Variants in IL1RAPL2 observed in about 807,000 individuals in gnomAD.
The protein encoded by IL1RAPL2 is X-linked interleukin-1 receptor accessory protein-like 2.
A neutral mutation model predicts 44.1 loss-of-function variants in IL1RAPL2; 3 were observed. That is an observed-to-expected ratio of 0.07 (90% CI 0.03 to 0.18). The LOEUF is 0.18. Ranked by LOEUF, IL1RAPL2 falls within the 10% of genes least tolerant of loss-of-function variation. The pLI is 1.00. For synonymous variants in IL1RAPL2, 181 were observed against 178.8 expected, an observed-to-expected ratio of 1.01 and a Z score of -0.10; for missense variants, 391 against 496.4, an observed-to-expected ratio of 0.79 and a Z score of 2.02.
At chrX:105,448,562 A>G (rs1346573455) in intron 5 of IL1RAPL2, among the ~76,000 whole-genome samples, 2 of 110,105 alleles carry the variant, frequency 1.8e-5, no homozygotes, top group Admixed American at 1.9e-4. Context: ...ACGGGGTTTC[A>G]CCATGTTGGC....
chrX:105,766,486 G>A (rs2038730392), intron 10 of IL1RAPL2, among the ~76,000 whole-genome samples: 1 of 110,567 alleles, frequency 9.0e-6, no homozygotes, highest in Non-Finnish European at 1.9e-5. Flanking sequence ...GAAAACTAGG[G>A]GCCATACATA....
At chrX:104,891,050 T>C (rs1923420918) in intron 2 of IL1RAPL2, among the ~76,000 whole-genome samples, 1 of 112,143 alleles carries the variant, frequency 8.9e-6, no homozygotes, top group South Asian at 3.7e-4. Flanking sequence ...GTTTGTTAAA[T>C]AGGGAATCCT....
At chrX:105,530,114 T>C (rs896373505) in intron 6 of IL1RAPL2, among the ~76,000 whole-genome samples, 2 of 112,332 alleles carry the variant, frequency 1.8e-5, no homozygotes, top group Non-Finnish European at 1.9e-5. Flanking sequence ...ATGGTACATA[T>C]ATATTTATTT....
chrX:104,790,951 C>T lies in IL1RAPL2; in HGVS notation c.82+131956C>T, dbSNP rs768903095. Among the ~76,000 whole-genome samples the T allele has an allele frequency of 4.2e-4, 47 of 111,860 alleles. 1 individual carries two copies. Among genetic ancestry groups the T allele is most frequent in the Non-Finnish European group, 6.6e-4 (35 of 53,200 alleles). On this transcript the variant is annotated intron_variant, in intron 2 of 10. Coordinates refer to ENST00000372582, the MANE Select transcript of IL1RAPL2 (RefSeq NM_017416.2). ...GTCACAATTTATTGCATAATGACCA[C>T]GTGCCAGTCACTGCTCTAAGTACTT... is the stretch of plus-strand genomic sequence containing the variant.
At chrX:104,686,021 C>G (rs904942982) in intron 2 of IL1RAPL2, among the ~76,000 whole-genome samples, 2 of 110,732 alleles carry the variant, frequency 1.8e-5, no homozygotes, top group African/African-American at 6.6e-5. Flanking sequence ...ACATAATGCT[C>G]AATAGATGGC....
At chrX:105,541,175 G>T (rs1014884519) in intron 6 of IL1RAPL2, among the ~76,000 whole-genome samples, 2 of 109,090 alleles carry the variant, frequency 1.8e-5, no homozygotes, top group Non-Finnish European at 3.8e-5. Flanking sequence ...TTACTCTGCT[G>T]CTTAAAAGTC....
intron 5 of IL1RAPL2, among the ~76,000 whole-genome samples, chrX:105,293,662 CT>C (rs1483152372): frequency 1.8e-5 from 2 of 111,730 alleles, no homozygotes; most frequent in Admixed American, 9.5e-5. Context: ...TTATGTTTTA[CT>C]TTTTTGTAAA....
chrX:104,628,150 G>A (rs1341336622), intron 1 of IL1RAPL2, among the ~76,000 whole-genome samples: 1 of 110,887 alleles, frequency 9.0e-6, no homozygotes, highest in Non-Finnish European at 1.9e-5. Flanking sequence ...GGATATTTAG[G>A]GTATCCATCC....
chrX:105,094,708 T>C (rs2032584761), intron 2 of IL1RAPL2, among the ~76,000 whole-genome samples: 1 of 110,466 alleles, frequency 9.1e-6, no homozygotes, highest in South Asian at 3.7e-4. Flanking sequence ...ACTTGTTCAT[T>C]TCTGCAAAAA....
intron 2 of IL1RAPL2, among the ~76,000 whole-genome samples, chrX:104,798,028 G>C (rs764923463): frequency 4.6e-4 from 52 of 111,856 alleles, no homozygotes; most frequent in Middle Eastern, 4.6e-3. Context: ...TAGAGATTAT[G>C]TAAATCACCC....
chrX:104,971,649 C>G (rs1362061534), intron 2 of IL1RAPL2, among the ~76,000 whole-genome samples: 1 of 111,336 alleles, frequency 9.0e-6, no homozygotes, highest in Non-Finnish European at 1.9e-5. Flanking sequence ...GACTCTTGAA[C>G]TCTCTTTAGT....
intron 2 of IL1RAPL2, among the ~76,000 whole-genome samples, chrX:105,183,088 G>T (rs1370654285): frequency 1.8e-5 from 2 of 111,178 alleles, no homozygotes; most frequent in African/African-American, 3.3e-5. Context: ...TTTCAGACTG[G>T]GTGGGCCTAT....
intron 5 of IL1RAPL2, among the ~76,000 whole-genome samples, chrX:105,291,714 A>G (rs999317714): frequency 1.8e-4 from 20 of 111,236 alleles, no homozygotes; most frequent in Non-Finnish European, 3.0e-4. Flanking sequence ...TTCCATAAAT[A>G]TTCTGTTGGA....
chrX:105,147,639 C>A (rs1410476454), intron 2 of IL1RAPL2, among the ~76,000 whole-genome samples: 3 of 111,553 alleles, frequency 2.7e-5, no homozygotes, highest in Non-Finnish European at 5.6e-5. Flanking sequence ...CAAGTTTCAT[C>A]CATGTTGTAG....
chrX:104,586,036 G>A (rs1167167204), intron 1 of IL1RAPL2, among the ~76,000 whole-genome samples: 1 of 111,731 alleles, frequency 9.0e-6, no homozygotes, highest in Non-Finnish European at 1.9e-5. Context: ...TTCCACAATG[G>A]TTGAACACAT....
intron 4 of IL1RAPL2, among the ~76,000 whole-genome samples, chrX:105,259,136 C>G (rs2034337495): frequency 8.9e-6 from 1 of 111,746 alleles, no homozygotes; most frequent in Admixed American, 9.5e-5. Context: ...AGGCTTTGTG[C>G]ATGGTCTTTA....
At chrX:104,775,592 T>C (rs1932706049) in intron 2 of IL1RAPL2, among the ~76,000 whole-genome samples, 1 of 111,400 alleles carries the variant, frequency 9.0e-6, no homozygotes, top group South Asian at 3.7e-4. Flanking sequence ...AACTCTCTGG[T>C]GAGATGAATA....
chrX:105,571,636 G>A (rs1210919954), intron 6 of IL1RAPL2, among the ~76,000 whole-genome samples: 1 of 110,857 alleles, frequency 9.0e-6, no homozygotes, highest in Non-Finnish European at 1.9e-5. Flanking sequence ...TGAGATATGG[G>A]TGATAATGGC....
intron 2 of IL1RAPL2, among the ~76,000 whole-genome samples, chrX:104,975,135 C>T (rs1340593707): frequency 9.0e-6 from 1 of 111,164 alleles, no homozygotes; most frequent in Non-Finnish European, 1.9e-5. Flanking sequence ...CAGGAATTTG[C>T]GGTTTCTTTG....
Sources: gnomAD v4.1 joint callset for allele counts (sites outside exome capture counted in the v4.1 genomes callset) on GRCh38, gnomAD v4.1.1 for gene constraint, MANE v1.5 for transcripts, NCBI Gene and HGNC (gene_info 2026-07-23, HGNC 2026-07-21) for gene names.